Variants in PP2D1 observed in about 807,000 individuals in gnomAD.
The protein encoded by PP2D1 is protein phosphatase 2C like domain containing 1, also known as protein phosphatase 2C-like domain-containing protein 1.
A neutral mutation model predicts 30.2 loss-of-function variants in PP2D1; 25 were observed. The observed-to-expected ratio is 0.83, with a 90% CI of 0.60 to 1.16. The LOEUF is 1.16. Among genes scored for constraint, PP2D1 ranks in the 50% most tolerant of loss-of-function variants. The pLI, the probability that PP2D1 is intolerant of heterozygous loss-of-function variation, is 0.00. For synonymous variants in PP2D1, 260 were observed against 258.9 expected, an observed-to-expected ratio of 1.00 and a Z score of -0.04; for missense variants, 760 against 742.4, an observed-to-expected ratio of 1.02 and a Z score of -0.28.
rs1370503743 is a variant in PP2D1, at chr3:20,012,185, G to A, written c.-113C>T. On this transcript the variant is annotated 5_prime_UTR_variant, in exon 1 of 3. Transcript: ENST00000389050. Reference sequence around the variant, plus strand: ...GGAGGTAGAGGTGAATGTGATGGCTGTGGCAGAAGTAGTGGTGATGGTGAT... The same window carrying A: ...GGAGGTAGAGGTGAATGTGATGGCTATGGCAGAAGTAGTGGTGATGGTGAT... 7.3e-6 allele frequency: 6 copies of A among 821,944 alleles called. No individual in the cohort carries two copies. Among genetic ancestry groups the A allele is most frequent in the Non-Finnish European group, 1.2e-5 (6 of 519,716 alleles). 50.9% of individuals were successfully genotyped at this position (821,944 alleles called of 1,614,324 possible).
chr3:19,999,294 G>A (rs1697221387), intron 2 of PP2D1, among the ~76,000 whole-genome samples: 1 of 152,026 alleles, frequency 6.6e-6, no homozygotes, highest in African/African-American at 2.4e-5. Flanking sequence ...TGGCCAGGAT[G>A]GTCTCGATCT....
At chr3:19,984,413 GGTT>G (rs1696993316), downstream of PP2D1, 1 of 206,086 alleles carries the variant, frequency 4.9e-6, no homozygotes, top group Non-Finnish European at 9.9e-6. Flanking sequence ...TACCCAGTCT[GGTT>G]TTTTTTTTTT....
chr3:19,997,879 C>A (rs1233994391), intron 2 of PP2D1, among the ~76,000 whole-genome samples: 1 of 151,830 alleles, frequency 6.6e-6, no homozygotes, highest in East Asian at 1.9e-4. Flanking sequence ...CGGGGCAGGA[C>A]GAGATAAAGT....
At chr3:19,981,064 A>T (rs776969931), downstream of PP2D1, among the ~76,000 whole-genome samples, 3 of 152,204 alleles carry the variant, frequency 2.0e-5, no homozygotes, top group Non-Finnish European at 4.4e-5. Flanking sequence ...TGTCCCCAAG[A>T]TTGATAGAGA....
chr3:19,990,010 T>C (rs1429381696), intron 2 of PP2D1, among the ~76,000 whole-genome samples: 2 of 152,302 alleles, frequency 1.3e-5, no homozygotes, highest in East Asian at 3.9e-4. Flanking sequence ...TTGCCTTTTT[T>C]TTTTCCTGTG....
At chr3:20,004,440 C>T (rs1274790578) in intron 1 of PP2D1, among the ~76,000 whole-genome samples, 1 of 152,182 alleles carries the variant, frequency 6.6e-6, no homozygotes, top group South Asian at 2.1e-4. Context: ...TTTTGTACTG[C>T]ATTTCGTCTG....
At position 20,001,773 on chromosome 3, in the gene PP2D1, T is replaced by C; in HGVS notation, c.347A>G (p.Lys116Arg). 6.5e-7 allele frequency: 1 copy of C among 1,533,816 alleles called. No individual in the cohort carries two copies. Among genetic ancestry groups the C allele is most frequent in the Non-Finnish European group, 8.7e-7 (1 of 1,146,096 alleles). ...IAVQRQFMIS[K>R]LLSSFMFTEK... ...AGTGAACATAAAAGATGACAATAGT[T>C]TAGAAATCATGAACTGTCTCTGAAC... Residue 116 changes from lysine to arginine, a missense_variant, in exon 2 of 3, where the codon AAA becomes AGA. By Grantham distance (26) the Lys-to-Arg change is conservative (BLOSUM62 2). Transcript: ENST00000389050.
In PP2D1 at chr3:19,985,710, A is replaced by G; in HGVS notation, c.1563T>C (p.Ser521=). The part of the protein sequence containing the change: ...IHVLFQYKSV[S]EVRVSTTNSK... ...AATTTGTAGTTGACACACGTACTTC[A>G]GATACAGATTTATACTGAAACAATA... The change falls in exon 3 of 3, where the codon TCT becomes TCC. Residue 521 remains serine, a synonymous_variant. Transcript: ENST00000389050. 1 of 1,535,844 alleles carries G rather than the reference A, an allele frequency of 6.5e-7. No individual in the cohort carries two copies.
At chr3:19,985,112 G>A (rs940620490), downstream of PP2D1, 34 of 337,588 alleles carry the variant, frequency 1.0e-4, no homozygotes, top group African/African-American at 6.5e-4. Context: ...TTAGGAAAAC[G>A]GTTCACCAGT....
intron 2 of PP2D1, among the ~76,000 whole-genome samples, chr3:19,997,343 A>G (rs1157337252): frequency 6.6e-6 from 1 of 151,692 alleles, no homozygotes; most frequent in Non-Finnish European, 1.5e-5. Flanking sequence ...AAAATTCAAC[A>G]TCTCTTCATG....
chr3:19,986,072 T>C lies in PP2D1; in HGVS notation c.1201A>G (p.Ile401Val). The C allele has an allele frequency of 6.5e-7, 1 of 1,536,090 alleles. No individual in the cohort carries two copies. The highest frequency in any genetic ancestry group is 8.7e-7 in the Non-Finnish European group (1 of 1,146,860). ...AGCCCGTATGGTTCATTTGAACTAA[T>C]GACTGCTCCATTCTGAAGTATTCTT... The part of the protein sequence containing the change: ...RRRILQNGAV[I>V]SSNEPYGLVE... Residue 401 changes from isoleucine to valine, a missense_variant, in exon 3 of 3, where the codon ATT becomes GTT. Transcript: ENST00000389050.
At chr3:20,000,143 A>G (rs1697233866) in intron 2 of PP2D1, among the ~76,000 whole-genome samples, 1 of 152,242 alleles carries the variant, frequency 6.6e-6, no homozygotes, top group Admixed American at 6.5e-5. Context: ...ATGATATGGT[A>G]GGACTGATTT....
chr3:19,986,329 A>T (rs1321816584), intron 2 of PP2D1, 147 bp from the exon 3 acceptor site: 1 of 588,426 alleles, frequency 1.7e-6, no homozygotes. Flanking sequence ...TGTGTAATAT[A>T]TCACTACTGA....
downstream of PP2D1, among the ~76,000 whole-genome samples, chr3:19,982,456 A>G (rs553779020): frequency 1.3e-5 from 2 of 152,332 alleles, no homozygotes; most frequent in East Asian, 1.9e-4. Context: ...TGCCCAAAGC[A>G]TAGATTATAA....
At position 19,985,680 on chromosome 3, in the gene PP2D1, T is replaced by C; in HGVS notation, c.1593A>G (p.Lys531=). The stretch of plus-strand genomic sequence containing the variant: ...AATAGTTTGAATCGGATAAATTTTC[T>C]TTGGAATTTGTAGTTGACACACGTA... ...SEVRVSTTNS[K]ENLSDSNYSK... is the part of the protein sequence containing the mutation. Residue 531 remains lysine (K), a synonymous_variant, in exon 3 of 3, where the codon AAA becomes AAG. Coordinates refer to ENST00000389050, the MANE Select transcript of PP2D1 (RefSeq NM_001252657.2). The C allele has an allele frequency of 6.5e-7, 1 of 1,535,944 alleles. No individual in the cohort carries two copies. The highest frequency in any genetic ancestry group is 2.0e-5 in the Admixed American group (1 of 50,986).
intron 2 of PP2D1, among the ~76,000 whole-genome samples, chr3:19,995,130 T>C (rs1009197393): frequency 6.6e-5 from 10 of 152,172 alleles, no homozygotes; most frequent in African/African-American, 2.4e-4. Context: ...TTCCAAGTAA[T>C]TTCATCCCAA....
intron 1 of PP2D1, chr3:20,007,869 C>A: frequency 4.8e-6 from 1 of 209,892 alleles, no homozygotes. Context: ...ATCGTTATGT[C>A]CGAATAATCT....
At chr3:19,999,352 A>G (rs1042614381) in intron 2 of PP2D1, among the ~76,000 whole-genome samples, 2 of 151,720 alleles carry the variant, frequency 1.3e-5, no homozygotes, top group African/African-American at 4.8e-5. Flanking sequence ...TGCTGGTTAC[A>G]GGCGTCAGCC....
At chr3:20,006,582 C>A (rs1697320455) in intron 1 of PP2D1, among the ~76,000 whole-genome samples, 1 of 152,128 alleles carries the variant, frequency 6.6e-6, no homozygotes, top group Admixed American at 6.6e-5. Context: ...CCACCTCTGC[C>A]TCCATAGTAG....
Sources: allele counts gnomAD v4.1 joint callset (sites outside exome capture counted in the v4.1 genomes callset), GRCh38; gene constraint gnomAD v4.1.1; transcripts MANE v1.5; gene names NCBI Gene and HGNC (gene_info 2026-07-23, HGNC 2026-07-21).